Variants in DCHS2 observed in about 807,000 individuals in gnomAD.
DCHS2 encodes the protein protocadherin-23.
DCHS2 carries 142 observed loss-of-function variants against 182.4 expected under a neutral mutation model. The observed-to-expected ratio is 0.78, with a 90% confidence interval of 0.68 to 0.89. The LOEUF is 0.89. Ranked by LOEUF, DCHS2 falls within the 40% of genes least tolerant of loss-of-function variation. The pLI, the probability that DCHS2 is intolerant of heterozygous loss-of-function variation, is 0.00. For synonymous variants in DCHS2, 1,740 were observed against 1,663.3 expected, an observed-to-expected ratio of 1.05 and a Z score of -1.12; for missense variants, 4,319 against 4,198.6, an observed-to-expected ratio of 1.03 and a Z score of -0.79.
chr4:154,385,436 C>A (rs144709840), intron 1 of DCHS2, among the ~76,000 whole-genome samples: 159 of 152,226 alleles, frequency 1.0e-3, no homozygotes, highest in Middle Eastern at 3.4e-3. Flanking sequence ...TGGGTATATA[C>A]CCAGTAATGG....
At chr4:154,463,726 C>G (rs1367127074) in intron 1 of DCHS2, among the ~76,000 whole-genome samples, 4 of 137,900 alleles carry the variant, frequency 2.9e-5, no homozygotes, top group African/African-American at 7.9e-5. Context: ...CTCTCTCTCT[C>G]TGTCTCTCTC....
Position 154,491,325 on chromosome 4 carries a change from C to T in DCHS2, c.31G>A (p.Gly11Arg). 6.5e-7 allele frequency: 1 copy of T among 1,543,964 alleles called. No individual in the cohort carries two copies. Residue 11 changes from glycine (G) to arginine (R), a missense_variant, in exon 1 of 20, where the codon GGG becomes AGG. Gly to Arg is a moderately radical substitution (Grantham distance 125). Transcript: ENST00000357232. MSPCGRKMGE[G>R]RQQRRAPVGK... is the part of the protein sequence containing the mutation. ...ACCGGAGCCCGCCGCTGCTGACGCCCTTCGCCCATCTTCCGCCCACAAGGG... is the reference window on the plus strand; with the variant it reads ...ACCGGAGCCCGCCGCTGCTGACGCCTTTCGCCCATCTTCCGCCCACAAGGG...
In DCHS2 at chr4:154,235,808, G is replaced by A. The variant is rs776398167; in HGVS notation, c.8844C>T (p.Leu2948=). Residue 2948 remains leucine, a synonymous_variant, in exon 20 of 20, where the codon CTC becomes CTT. Coordinates refer to ENST00000357232, the MANE Select transcript of DCHS2 (RefSeq NM_001358235.2). ...TCATTTCCAAGGTGTCTTCTTTGTTGAGTTGACTTTTTATTAGGGGAAGGG... is the reference window on the plus strand; with the variant it reads ...TCATTTCCAAGGTGTCTTCTTTGTTAAGTTGACTTTTTATTAGGGGAAGGG... The part of the protein sequence containing the change: ...IRALPLIKSQ[L]NKEDTLEMKI... 1.9e-6 allele frequency: 3 copies of A among 1,613,628 alleles called. No homozygotes were observed. The highest frequency in any genetic ancestry group is 2.5e-6 in the Non-Finnish European group (3 of 1,179,900).
intron 2 of DCHS2, among the ~76,000 whole-genome samples, chr4:154,366,848 T>C (rs182561967): frequency 1.4e-4 from 21 of 152,254 alleles, no homozygotes; most frequent in African/African-American, 4.3e-4. Flanking sequence ...TGTCCTGATG[T>C]CCAAAAAGAA....
chr4:154,283,288 G>A (rs1734239644), intron 13 of DCHS2, among the ~76,000 whole-genome samples: 1 of 151,992 alleles, frequency 6.6e-6, no homozygotes, highest in African/African-American at 2.4e-5. Context: ...GTGAGACAAA[G>A]CATGGAAAAT....
At chr4:154,458,929 A>G (rs917247519) in intron 1 of DCHS2, among the ~76,000 whole-genome samples, 2 of 152,230 alleles carry the variant, frequency 1.3e-5, no homozygotes, top group Non-Finnish European at 2.9e-5. Context: ...CATCATTACA[A>G]TACTCTGATG....
At chr4:154,274,063 C>T (rs979487409) in intron 13 of DCHS2, among the ~76,000 whole-genome samples, 1 of 152,062 alleles carries the variant, frequency 6.6e-6, no homozygotes, top group Admixed American at 6.6e-5. Flanking sequence ...TGGGTAAAAG[C>T]AAGAAGCAGG....
chr4:154,303,763 A>T (rs1245631782), intron 12 of DCHS2, among the ~76,000 whole-genome samples: 1 of 152,184 alleles, frequency 6.6e-6, no homozygotes, highest in Non-Finnish European at 1.5e-5. Flanking sequence ...ATGTTCTTCC[A>T]CCTTCACCGC....
At chr4:154,242,585 T>C in intron 17 of DCHS2, 57 bp downstream of exon 17, 1 of 1,565,846 alleles carries the variant, frequency 6.4e-7, no homozygotes, top group Admixed American at 1.9e-5. Flanking sequence ...CTAAAGAAAA[T>C]GGTAAATGAT....
chr4:154,489,159 T>A (rs772838961), intron 1 of DCHS2, 145 bp downstream of exon 1: 1 of 680,408 alleles, frequency 1.5e-6, no homozygotes. Context: ...GCATCATTCA[T>A]CTCACTGTAG....
At chr4:154,454,385 AG>A (rs1734673001) in intron 1 of DCHS2, among the ~76,000 whole-genome samples, 1 of 152,114 alleles carries the variant, frequency 6.6e-6, no homozygotes, top group Non-Finnish European at 1.5e-5. Flanking sequence ...CTGAAACCAC[AG>A]GTGTACGCCA....
At position 154,444,998 on chromosome 4, in the gene DCHS2, C is replaced by T. The variant is rs556409260; in HGVS notation, c.2052+44306G>A. On this transcript the variant is annotated intron_variant, in intron 1 of 19. Transcript: ENST00000357232. ...GTTGGGCATGGCAGCTGGCACCTCA[C>T]CACACTCAGGTCTTGGACCAATGGT... Among the ~76,000 whole-genome samples the T allele has an allele frequency of 5.3e-5, 8 of 152,172 alleles. No homozygotes were observed. In the South Asian group the frequency reaches 1.7e-3, roughly 32 times the overall value.
At chr4:154,339,202 T>G (rs1280683485) in intron 3 of DCHS2, among the ~76,000 whole-genome samples, 3 of 152,190 alleles carry the variant, frequency 2.0e-5, no homozygotes, top group Non-Finnish European at 4.4e-5. Flanking sequence ...GGCAAGAGAC[T>G]GATGTCTCAG....
intron 1 of DCHS2, among the ~76,000 whole-genome samples, chr4:154,394,782 G>A (rs1220852527): frequency 6.6e-6 from 1 of 152,078 alleles, no homozygotes; most frequent in Non-Finnish European, 1.5e-5. Flanking sequence ...ATATTTACCT[G>A]GCATCCATAT....
intron 1 of DCHS2, among the ~76,000 whole-genome samples, chr4:154,420,073 T>C (rs1405106871): frequency 6.6e-6 from 1 of 151,998 alleles, no homozygotes; most frequent in Non-Finnish European, 1.5e-5. Flanking sequence ...TTAACACAGG[T>C]AGAAATAGTC....
intron 19 of DCHS2, among the ~76,000 whole-genome samples, 164 bp downstream of exon 19, chr4:154,239,006 C>A (rs575739498): frequency 1.3e-5 from 2 of 151,760 alleles, no homozygotes; most frequent in Non-Finnish European, 2.9e-5. Context: ...CTGGCATTTG[C>A]TATCGCAGCA....
intron 10 of DCHS2, among the ~76,000 whole-genome samples, chr4:154,308,860 A>G (rs1735561346): frequency 6.6e-6 from 1 of 152,224 alleles, no homozygotes; most frequent in Non-Finnish European, 1.5e-5. Context: ...GCTCGCAGTG[A>G]CAATTCCCCC....
chr4:154,425,867 C>T (rs1419615377), intron 1 of DCHS2, among the ~76,000 whole-genome samples: 1 of 152,040 alleles, frequency 6.6e-6, no homozygotes, highest in African/African-American at 2.4e-5. Context: ...GCTGTTCTGG[C>T]CCTGGGCAAA....
intron 1 of DCHS2, among the ~76,000 whole-genome samples, chr4:154,458,141 G>A (rs1426576325): frequency 3.1e-5 from 4 of 130,228 alleles, no homozygotes; most frequent in Non-Finnish European, 7.4e-5. Context: ...TACACAAGAG[G>A]GGAAGGTAAC....
Sources: gnomAD v4.1 joint callset for allele counts (sites outside exome capture counted in the v4.1 genomes callset) on GRCh38, gnomAD v4.1.1 for gene constraint, MANE v1.5 for transcripts, NCBI Gene and HGNC (gene_info 2026-07-23, HGNC 2026-07-21) for gene names.